Variants in ARHGAP21 observed in about 807,000 individuals in gnomAD.
ARHGAP21 encodes the protein Rho GTPase activating protein 21, also known as rho GTPase-activating protein 21.
A neutral mutation model predicts 164.6 loss-of-function variants in ARHGAP21; 38 were observed. That is an observed-to-expected ratio of 0.23 (90% CI 0.18 to 0.30). The LOEUF is 0.30. ARHGAP21 is among the 10% of genes least tolerant of loss of function. The pLI, the probability that ARHGAP21 is intolerant of heterozygous loss-of-function variation, is 1.00. For synonymous variants in ARHGAP21, 766 were observed against 857.9 expected (o/e 0.89, Z 1.87); for missense variants, 1,822 against 2,370.7 (o/e 0.77, Z 4.81).
chr10:24,607,669 A>G (rs1394603819), intron 10 of ARHGAP21, 68 bp from the exon 11 acceptor site: 6 of 1,610,052 alleles, frequency 3.7e-6, no homozygotes, highest in Non-Finnish European at 5.1e-6. Context: ...AACGGTGGAA[A>G]CATCAGTTTA....
chr10:24,585,419 T>C lies in ARHGAP21; in HGVS notation c.4870A>G (p.Ser1624Gly), dbSNP rs543832702. Reference protein sequence around the residue: ...SKGDEADDERSELISEGRPVE... With the variant: ...SKGDEADDERGELISEGRPVE... ...GGCCGCCCTTCACTGATGAGTTCGC[T>C]TCTCTCGTCATCTGCCTCGTCCCCC... Residue 1624 changes from serine to glycine, a missense_variant, in exon 26 of 26, where the codon AGC becomes GGC. By Grantham distance (56) the Ser-to-Gly change is moderately conservative. This residue lies in a region of ARHGAP21 where 333 missense variants were observed against 383.9 expected (regional missense o/e 0.87). Transcript: ENST00000396432. The C allele has an allele frequency of 8.7e-6, 14 of 1,614,138 alleles. No homozygotes were observed. Among genetic ancestry groups the C allele is most frequent in the Non-Finnish European group, 8.5e-7 (1 of 1,180,046 alleles).
At chr10:24,625,123 A>G (rs1834994540) in intron 7 of ARHGAP21, among the ~76,000 whole-genome samples, 1 of 143,398 alleles carries the variant, frequency 7.0e-6, no homozygotes, top group Admixed American at 7.3e-5. Flanking sequence ...TTGTAATTAG[A>G]ACTCCAAACA....
chr10:24,666,838 A>G (rs1840243064), intron 4 of ARHGAP21, 147 bp downstream of exon 4: 2 of 522,946 alleles, frequency 3.8e-6, no homozygotes, highest in Non-Finnish European at 3.3e-6. Flanking sequence ...CCACAGTAAA[A>G]AACATTTAAT....
intron 4 of ARHGAP21, among the ~76,000 whole-genome samples, chr10:24,662,964 A>AT (rs5783902): frequency 0.74 from 107,895 of 145,560 alleles, 39,884 homozygotes; most frequent in Middle Eastern, 0.84. Context: ...AGATATGCGG[A>AT]TTTTTTTTTT....
chr10:24,633,002 T>C (rs1835990472), intron 6 of ARHGAP21, among the ~76,000 whole-genome samples: 1 of 152,162 alleles, frequency 6.6e-6, no homozygotes, highest in Non-Finnish European at 1.5e-5. Flanking sequence ...AACAAATGAG[T>C]TGAGGCTAGG....
At chr10:24,684,281 T>C (rs188010860) in intron 2 of ARHGAP21, among the ~76,000 whole-genome samples, 1 of 151,512 alleles carries the variant, frequency 6.6e-6, no homozygotes, top group African/African-American at 2.4e-5. Flanking sequence ...AATGACACCC[T>C]GACTGAAAAG....
intron 9 of ARHGAP21, among the ~76,000 whole-genome samples, chr10:24,608,826 C>T (rs1048028484): frequency 6.6e-6 from 1 of 151,960 alleles, no homozygotes; most frequent in African/African-American, 2.4e-5. Context: ...TTGAAAATTT[C>T]TCTATGCACC....
chr10:24,596,211 A>G, intron 17 of ARHGAP21, 168 bp from the exon 18 acceptor site: 1 of 573,940 alleles, frequency 1.7e-6, no homozygotes. Context: ...TGCAAGAGAT[A>G]TTTGAGACAG....
At chr10:24,606,245 G>T (rs1213769354) in intron 11 of ARHGAP21, among the ~76,000 whole-genome samples, 2 of 151,774 alleles carry the variant, frequency 1.3e-5, no homozygotes, top group East Asian at 3.9e-4. Flanking sequence ...AAATATTTTT[G>T]CATGGTTTAA....
At position 24,688,612 on chromosome 10, in the gene ARHGAP21, C is replaced by T. The variant is rs559966484; in HGVS notation, c.64-18215G>A. ...TAGAAGATGACGAAATGGTTTTTCA[C>T]ATGTGTAAAAATATAGGGTCTCTAT... On this transcript the variant is annotated intron_variant, in intron 2 of 25. Coordinates refer to ENST00000396432, the MANE Select transcript of ARHGAP21 (RefSeq NM_020824.4). 1.2e-4 allele frequency among the ~76,000 whole-genome samples: 19 copies of T among 152,242 alleles called. 1 individual carries two copies. In the South Asian group the frequency reaches 2.3e-3, roughly 18 times the overall value.
intron 2 of ARHGAP21, among the ~76,000 whole-genome samples, chr10:24,701,331 G>A (rs185850619): frequency 3.3e-5 from 5 of 152,004 alleles, no homozygotes; most frequent in Non-Finnish European, 5.9e-5. Flanking sequence ...GGATTCCTCC[G>A]GCTCTTCTTT....
intron 4 of ARHGAP21, among the ~76,000 whole-genome samples, chr10:24,637,989 C>T (rs1188820493): frequency 2.6e-5 from 4 of 151,776 alleles, no homozygotes; most frequent in African/African-American, 4.8e-5. Context: ...CTCAGCCTCC[C>T]GAGTAGCTGG....
In ARHGAP21 at chr10:24,620,807, G is replaced by T. The variant is rs1389550410; in HGVS notation, c.1088C>A (p.Ser363Tyr). 1.9e-6 allele frequency: 3 copies of T among 1,614,050 alleles called. No homozygotes were observed. Among genetic ancestry groups the T allele is most frequent in the Non-Finnish European group, 2.5e-6 (3 of 1,180,020 alleles). Reference sequence around the variant, plus strand: ...TACAGAGGGAGCCTCCACAGCTTGAGATCTGCTGCTTGAGATTCCATCAGA... The same window carrying T: ...TACAGAGGGAGCCTCCACAGCTTGATATCTGCTGCTTGAGATTCCATCAGA... ...GHSDGISSSRSQAVEAPSVSV... is the reference protein window; with the variant it reads ...GHSDGISSSRYQAVEAPSVSV... Residue 363 changes from serine to tyrosine, a missense_variant, in exon 9 of 26, where the codon TCT becomes TAT. This residue lies in a region of ARHGAP21 where 1,090 missense variants were observed against 1,378.9 expected (regional missense o/e 0.79). Coordinates refer to ENST00000396432, the MANE Select transcript of ARHGAP21 (RefSeq NM_020824.4).
chr10:24,707,204 TTAA>T (rs1202040401), intron 2 of ARHGAP21, among the ~76,000 whole-genome samples: 1 of 152,228 alleles, frequency 6.6e-6, no homozygotes, highest in Non-Finnish European at 1.5e-5. Context: ...AGCCTAGATC[TTAA>T]TAAGACAGAT....
chr10:24,672,865 C>CCAAAAA lies in ARHGAP21; in HGVS notation c.64-2474_64-2469dup, dbSNP rs997306942. On this transcript the variant is annotated intron_variant, in intron 2 of 25. Transcript: ENST00000396432. ...TTAATGAAAGTAATAATACAGTATACCAAAAACAAAAACAAAAACAAAAAA... is the reference window on the plus strand; with the variant it reads ...TTAATGAAAGTAATAATACAGTATACCAAAAACAAAAACAAAAACAAAAACAAAAAA... Among the ~76,000 whole-genome samples, 562 of 151,172 alleles carry CCAAAAA rather than the reference C, an allele frequency of 3.7e-3. 7 individuals are homozygous for CCAAAAA. Among genetic ancestry groups the CCAAAAA allele is most frequent in the South Asian group, 0.036 (172 of 4,766 alleles).
chr10:24,632,704 A>G (rs1162294126), intron 6 of ARHGAP21, among the ~76,000 whole-genome samples: 1 of 152,204 alleles, frequency 6.6e-6, no homozygotes, highest in Non-Finnish European at 1.5e-5. Flanking sequence ...CTGTATTTGA[A>G]TCTGAGAAGA....
chr10:24,682,999 G>T (rs1223175432), intron 2 of ARHGAP21, among the ~76,000 whole-genome samples: 1 of 150,810 alleles, frequency 6.6e-6, no homozygotes, highest in Non-Finnish European at 1.5e-5. Flanking sequence ...GAGAGGCTGA[G>T]ACAGGAGAAT....
chr10:24,696,791 T>C (rs945650315), intron 2 of ARHGAP21, among the ~76,000 whole-genome samples: 4 of 152,312 alleles, frequency 2.6e-5, no homozygotes, highest in Non-Finnish European at 5.9e-5. Context: ...CTATGTGCTA[T>C]GTGTTACATC....
chr10:24,646,614 A>C (rs1339587883), intron 4 of ARHGAP21, among the ~76,000 whole-genome samples: 1 of 152,088 alleles, frequency 6.6e-6, no homozygotes, highest in Non-Finnish European at 1.5e-5. Flanking sequence ...CCTGTATTTA[A>C]GGGGGAAAAA....
Sources: allele counts gnomAD v4.1 joint callset (sites outside exome capture counted in the v4.1 genomes callset), GRCh38; gene constraint gnomAD v4.1.1; regional missense constraint gnomAD v4.1.1; transcripts MANE v1.5; gene names NCBI Gene and HGNC (gene_info 2026-07-23, HGNC 2026-07-21).